Variants in CTBP2 observed in about 807,000 individuals in gnomAD.
CTBP2 encodes the protein C-terminal-binding protein 2.
Under a neutral mutation model 80.3 loss-of-function variants are expected in CTBP2, and 30 were observed. That is an observed-to-expected ratio of 0.37 (90% CI 0.28 to 0.51). The LOEUF is 0.51. Among genes scored for constraint, CTBP2 ranks in the 20% least tolerant of loss-of-function variants. CTBP2 has a pLI of 0.93. For missense variants in CTBP2, 1,212 were observed against 1,375.3 expected (o/e 0.88, Z 1.88); for synonymous variants, 594 against 587.4 (o/e 1.01, Z -0.16).
At chr10:125,036,666 GGGGTGTGTGTGTGTGTGT>G (rs1305853540) in intron 3 of CTBP2, among the ~76,000 whole-genome samples, 6 of 100,266 alleles carry the variant, frequency 6.0e-5, no homozygotes, top group African/African-American at 1.4e-4. Context: ...AAAGCTAGAG[GGGGTGTGTGTGTGTGTGT>G]GTGTGTGTGT....
rs1478122280 is a variant in CTBP2, at chr10:124,988,965, G to A, written c.*553C>T. 6.5e-6 allele frequency: 1 copy of A among 153,044 alleles called. No individual in the cohort carries two copies. Among genetic ancestry groups the A allele is most frequent in the Non-Finnish European group, 1.5e-5 (1 of 68,680 alleles). 9.5% of individuals were successfully genotyped at this position (153,044 alleles called of 1,614,324 possible). A position where few individuals can be genotyped will look rare whatever the true frequency, so the allele number is the denominator to read the frequency against. On this transcript the variant is annotated 3_prime_UTR_variant, in exon 9 of 9. Transcript: ENST00000309035. ...CGCTCAGTATGCAGTTCAGATGTGA[G>A]AGGCGCTTCTCTGTACAGCAGCCTG...
At chr10:125,147,166 C>G (rs1476560511) in intron 1 of CTBP2, among the ~76,000 whole-genome samples, 2 of 152,170 alleles carry the variant, frequency 1.3e-5, no homozygotes, top group Admixed American at 6.5e-5. Context: ...GACACAGTTC[C>G]TTTTCCTCAA....
intron 1 of CTBP2, among the ~76,000 whole-genome samples, chr10:125,135,447 G>A (rs781354378): frequency 8.5e-5 from 13 of 152,098 alleles, no homozygotes; most frequent in African/African-American, 2.4e-5. Context: ...CCATCGCCTC[G>A]TGGGGTTCCT....
rs969805306 is a variant in CTBP2 at position 124,998,650 on chromosome 10, C to G, written c.1979-480G>C. The G allele has an allele frequency of 1.6e-5, 3 of 182,826 alleles. No homozygotes were observed. The East Asian group carries it at 4.2e-4, about 25-fold the overall frequency. The allele number at this position is 182,826 out of a possible 1,614,324, so 11.3% of individuals were successfully genotyped here. A position where few individuals can be genotyped will look rare whatever the true frequency, so the allele number is the denominator to read the frequency against. On this transcript the variant is annotated intron_variant, in intron 3 of 8. Coordinates refer to ENST00000309035, the MANE Select transcript of CTBP2 (RefSeq NM_022802.3). Reference sequence around the variant, plus strand: ...CTAACAGTTTGATGCAAAAAACATACGTTTTAAACATACTGGTTTTAAAAA... The same window carrying G: ...CTAACAGTTTGATGCAAAAAACATAGGTTTTAAACATACTGGTTTTAAAAA...
At chr10:124,999,308 A>C (rs1954101451) in intron 3 of CTBP2, 1 of 152,252 alleles carries the variant, frequency 6.6e-6, no homozygotes, top group Admixed American at 6.5e-5. Flanking sequence ...AGGGGTGCCC[A>C]AGGCACTGGG....
intron 2 of CTBP2, among the ~76,000 whole-genome samples, chr10:125,095,563 T>C (rs1849417678): frequency 6.6e-6 from 1 of 152,152 alleles, no homozygotes; most frequent in Non-Finnish European, 1.5e-5. Context: ...CACTACCACA[T>C]GCTCTGAGGA....
chr10:125,120,562 T>C (rs1195086927), intron 1 of CTBP2, among the ~76,000 whole-genome samples: 1 of 152,156 alleles, frequency 6.6e-6, no homozygotes, highest in Non-Finnish European at 1.5e-5. Flanking sequence ...AATTTTTCTA[T>C]TTTCTGCAGA....
chr10:125,008,707 C>A (rs1278985519), intron 1 of CTBP2, among the ~76,000 whole-genome samples: 1 of 152,244 alleles, frequency 6.6e-6, no homozygotes, highest in African/African-American at 2.4e-5. Flanking sequence ...CAAAGACTTT[C>A]CTCCCCGTCT....
chr10:125,076,581 A>C (rs1471041195), intron 2 of CTBP2, among the ~76,000 whole-genome samples: 2 of 152,158 alleles, frequency 1.3e-5, no homozygotes, highest in African/African-American at 4.8e-5. Flanking sequence ...CTGGGACTTG[A>C]GAGGCAGCGC....
chr10:125,003,135 C>T, intron 2 of CTBP2, 31 bp from the exon 5 acceptor site: 1 of 1,612,670 alleles, frequency 6.2e-7, no homozygotes, highest in Non-Finnish European at 8.5e-7. Flanking sequence ...GGGTCGGAGC[C>T]CCACCCCGTG....
intron 2 of CTBP2, among the ~76,000 whole-genome samples, chr10:125,061,926 T>C (rs187091030): frequency 6.6e-6 from 1 of 152,160 alleles, no homozygotes; most frequent in Non-Finnish European, 1.5e-5. Flanking sequence ...GCTTTCCTCA[T>C]CTAAAATGAC....
intron 2 of CTBP2, among the ~76,000 whole-genome samples, chr10:125,078,908 C>T (rs895662432): frequency 1.3e-5 from 2 of 150,252 alleles, no homozygotes; most frequent in East Asian, 2.0e-4. Context: ...GAGGCTGAGG[C>T]GGGCAGATCA....
intron 1 of CTBP2, among the ~76,000 whole-genome samples, chr10:125,151,914 G>A (rs1859986774): frequency 2.0e-5 from 3 of 152,212 alleles, no homozygotes; most frequent in Admixed American, 2.0e-4. Context: ...AGTGGGCACG[G>A]AGCGGGGGGA....
At chr10:125,098,601 G>GC (rs1484139137) in intron 2 of CTBP2, among the ~76,000 whole-genome samples, 1 of 150,378 alleles carries the variant, frequency 6.6e-6, no homozygotes, top group African/African-American at 2.5e-5. Context: ...CCTTCACAGT[G>GC]CCAATGACGC....
At chr10:125,074,446 G>A (rs374547575) in intron 2 of CTBP2, among the ~76,000 whole-genome samples, 14 of 152,164 alleles carry the variant, frequency 9.2e-5, no homozygotes, top group South Asian at 2.1e-4. Flanking sequence ...CCTCTGCCTC[G>A]CGGGTTCAAG....
intron 2 of CTBP2, among the ~76,000 whole-genome samples, chr10:125,056,094 G>A (rs1431866558): frequency 6.6e-6 from 1 of 152,016 alleles, no homozygotes; most frequent in East Asian, 1.9e-4. Flanking sequence ...CAGCCTGACA[G>A]GCAGAGGTTA....
chr10:125,064,643 C>T (rs1172692813), intron 2 of CTBP2, among the ~76,000 whole-genome samples: 2 of 152,168 alleles, frequency 1.3e-5, no homozygotes, highest in Non-Finnish European at 2.9e-5. Context: ...TTCTTCAGGA[C>T]AACTTGAAAT....
intron 3 of CTBP2, among the ~76,000 whole-genome samples, chr10:125,033,687 C>A (rs920458176): frequency 6.6e-6 from 1 of 152,132 alleles, no homozygotes; most frequent in Non-Finnish European, 1.5e-5. Context: ...CCCCGCGGCA[C>A]TCCTTCCCCC....
At chr10:125,016,029 C>A (rs1166943282) in intron 1 of CTBP2, among the ~76,000 whole-genome samples, 1 of 151,904 alleles carries the variant, frequency 6.6e-6, no homozygotes, top group African/African-American at 2.4e-5. Flanking sequence ...GCTGGGTACC[C>A]GGATCCCTGC....
Sources: gnomAD v4.1 joint callset for allele counts (sites outside exome capture counted in the v4.1 genomes callset) on GRCh38, gnomAD v4.1.1 for gene constraint, MANE v1.5 for transcripts, NCBI Gene and HGNC (gene_info 2026-07-23, HGNC 2026-07-21) for gene names.